The following ARHGAP6 variants were observed in gnomAD, a reference collection of about 807,000 sequenced individuals.
The protein encoded by ARHGAP6 is Rho GTPase activating protein 6, also known as rho GTPase-activating protein 6.
ARHGAP6 carries 16 observed loss-of-function variants against 55.7 expected under a neutral mutation model. The ratio of observed to expected loss-of-function variants is 0.29; its 90% CI spans 0.19 to 0.44. The LOEUF is 0.44. ARHGAP6 is among the 20% of genes least tolerant of loss of function. ARHGAP6 has a pLI of 1.00. For missense variants in ARHGAP6, 698 were observed against 808.9 expected (o/e 0.86, Z 1.66); for synonymous variants, 382 against 360.9 (o/e 1.06, Z -0.66).
chrX:11,164,780 T>C (rs1010416687), intron 9 of ARHGAP6, among the ~76,000 whole-genome samples: 1 of 112,319 alleles, frequency 8.9e-6, no homozygotes, highest in African/African-American at 3.2e-5. Flanking sequence ...GAAGTCCTAG[T>C]AAGAATCGTT....
chrX:11,529,287 C>T (rs2051023686), intron 1 of ARHGAP6, among the ~76,000 whole-genome samples: 1 of 112,113 alleles, frequency 8.9e-6, no homozygotes, highest in Non-Finnish European at 1.9e-5. Flanking sequence ...GAATCATGCT[C>T]TAGAGCAGTG....
At chrX:11,195,842 G>A (rs780261689) in intron 3 of ARHGAP6, among the ~76,000 whole-genome samples, 5 of 107,103 alleles carry the variant, frequency 4.7e-5, no homozygotes, top group South Asian at 4.2e-4. Flanking sequence ...TAGGCCGGGC[G>A]CGATGGATCA....
chrX:11,225,748 T>C (rs1222041946), intron 2 of ARHGAP6: 43 of 577,526 alleles, frequency 7.4e-5, no homozygotes, highest in Middle Eastern at 1.2e-3. Flanking sequence ...ACATGAGCAA[T>C]TCACAAAGGT....
intron 1 of ARHGAP6, among the ~76,000 whole-genome samples, chrX:11,487,208 T>A (rs1360390059): frequency 8.9e-6 from 1 of 112,307 alleles, no homozygotes; most frequent in Non-Finnish European, 1.9e-5. Flanking sequence ...GATAAATACA[T>A]AGATTGCCCT....
chrX:11,213,074 C>T (rs1382415299), intron 2 of ARHGAP6, among the ~76,000 whole-genome samples: 1 of 112,731 alleles, frequency 8.9e-6, no homozygotes, highest in African/African-American at 3.2e-5. Flanking sequence ...GCTCCTCATC[C>T]TGGCAAAGGA....
intron 1 of ARHGAP6, among the ~76,000 whole-genome samples, chrX:11,412,094 C>G (rs762237398): frequency 5.4e-5 from 6 of 111,581 alleles, no homozygotes; most frequent in African/African-American, 2.0e-4. Flanking sequence ...ATCTCTACCC[C>G]AGAATTTCAG....
intron 2 of ARHGAP6, among the ~76,000 whole-genome samples, chrX:11,225,321 A>G (rs1224745012): frequency 9.0e-6 from 1 of 111,418 alleles, no homozygotes; most frequent in Non-Finnish European, 1.9e-5. Flanking sequence ...TCTTAGTAAA[A>G]AAGAATGTTT....
intron 1 of ARHGAP6, among the ~76,000 whole-genome samples, chrX:11,302,832 A>G (rs2048188773): frequency 9.0e-6 from 1 of 111,157 alleles, no homozygotes; most frequent in Admixed American, 9.5e-5. Context: ...ATATCAAGAA[A>G]AAAAGATCAA....
At chrX:11,622,525 G>C (rs1429427355) in intron 1 of ARHGAP6, among the ~76,000 whole-genome samples, 1 of 111,616 alleles carries the variant, frequency 9.0e-6, no homozygotes, top group Non-Finnish European at 1.9e-5. Flanking sequence ...GTTGGGGGAA[G>C]ATAGGTAGGA....
intron 1 of ARHGAP6, among the ~76,000 whole-genome samples, chrX:11,504,061 G>A (rs758362874): frequency 1.8e-4 from 20 of 111,226 alleles, no homozygotes; most frequent in Middle Eastern, 4.7e-3. Flanking sequence ...TTTTTTGGGG[G>A]GGGGCTACCC....
intron 1 of ARHGAP6, among the ~76,000 whole-genome samples, chrX:11,537,308 G>A (rs889052586): frequency 8.9e-6 from 1 of 111,856 alleles, no homozygotes; most frequent in African/African-American, 3.3e-5. Flanking sequence ...TTGCAACTGA[G>A]GTTCCTACTG....
At chrX:11,380,320 T>C (rs769512203) in intron 1 of ARHGAP6, among the ~76,000 whole-genome samples, 1 of 111,873 alleles carries the variant, frequency 8.9e-6, no homozygotes, top group South Asian at 3.8e-4. Flanking sequence ...CCTTCCTAGA[T>C]TTTCAGCTGG....
intron 12 of ARHGAP6, among the ~76,000 whole-genome samples, chrX:11,139,736 G>A (rs968250453): frequency 9.8e-5 from 11 of 111,746 alleles, no homozygotes; most frequent in Non-Finnish European, 2.1e-4. Flanking sequence ...TTTGATTATC[G>A]GCTCAATTCA....
chrX:11,386,318 G>A (rs1053725517), intron 1 of ARHGAP6, among the ~76,000 whole-genome samples: 1 of 113,081 alleles, frequency 8.8e-6, no homozygotes, highest in Non-Finnish European at 1.9e-5. Context: ...GAAAGTTGCT[G>A]GTAGGGCTTA....
At chrX:11,589,253 G>A (rs1482037932) in intron 1 of ARHGAP6, among the ~76,000 whole-genome samples, 1 of 107,797 alleles carries the variant, frequency 9.3e-6, no homozygotes, top group African/African-American at 3.4e-5. Flanking sequence ...TCTTGGCCAG[G>A]CTGGTCTCTA....
intron 1 of ARHGAP6, among the ~76,000 whole-genome samples, chrX:11,558,864 A>G (rs2051352745): frequency 1.1e-5 from 1 of 92,428 alleles, no homozygotes; most frequent in Non-Finnish European, 2.1e-5. Flanking sequence ...AAAAAAAAAA[A>G]AAAAAAGGAC....
chrX:11,492,947 G>C (rs951311627), intron 1 of ARHGAP6, among the ~76,000 whole-genome samples: 8 of 111,558 alleles, frequency 7.2e-5, no homozygotes, highest in Non-Finnish European at 1.9e-5. Flanking sequence ...CTTACCACTA[G>C]ACAAAATGGT....
At chrX:11,361,675 G>A (rs780167912) in intron 1 of ARHGAP6, among the ~76,000 whole-genome samples, 1 of 110,829 alleles carries the variant, frequency 9.0e-6, no homozygotes, top group Non-Finnish European at 1.9e-5. Flanking sequence ...AAACTAAAGA[G>A]CTTCTGCACA....
intron 1 of ARHGAP6, among the ~76,000 whole-genome samples, chrX:11,519,556 T>C (rs533096252): frequency 7.2e-5 from 8 of 111,357 alleles, no homozygotes; most frequent in Middle Eastern, 4.6e-3. Flanking sequence ...AGAACAAAGC[T>C]GGAGGCATCA....
Sources: allele counts gnomAD v4.1 joint callset (sites outside exome capture counted in the v4.1 genomes callset), GRCh38; gene constraint gnomAD v4.1.1; transcripts MANE v1.5; gene names NCBI Gene and HGNC (gene_info 2026-07-23, HGNC 2026-07-21).